SRD5A2: variants seen among roughly 807,000 people sequenced by gnomAD.
SRD5A2 encodes the protein 3-oxo-5-alpha-steroid 4-dehydrogenase 2.
In SRD5A2, 30 loss-of-function variants were observed where a neutral mutation model predicts 27.4. The observed-to-expected ratio is 1.10, with a 90% CI of 0.82 to 1.49. The LOEUF (loss-of-function observed/expected upper bound fraction) is 1.49. Ranked by LOEUF, SRD5A2 falls within the 40% of genes most tolerant of loss-of-function variation. The probability of loss-of-function intolerance (pLI) is 0.00; values close to 1 mark genes in which losing one functional copy is unlikely to be tolerated. For missense variants in SRD5A2, 348 were observed against 323.4 expected (o/e 1.08, Z -0.58); for synonymous variants, 141 against 133.6 (o/e 1.06, Z -0.38).
intron 1 of SRD5A2, among the ~76,000 whole-genome samples, chr2:31,577,325 C>G (rs35741321): frequency 0.015 from 2,327 of 151,936 alleles, 33 homozygotes; most frequent in Non-Finnish European, 0.026. Context: ...CTGAATTGAC[C>G]TAACTATGCA....
the SRD5A2 span, among the ~76,000 whole-genome samples, chr2:31,593,449 G>A: frequency 1.3e-5 from 2 of 152,076 alleles, no homozygotes; most frequent in African/African-American, 2.4e-5. Flanking sequence ...TTCAGAGCTC[G>A]AAGACAAGGC....
the SRD5A2 span, among the ~76,000 whole-genome samples, chr2:31,636,800 C>T: frequency 6.6e-6 from 1 of 152,072 alleles, no homozygotes; most frequent in African/African-American, 2.4e-5. Flanking sequence ...GTTGAACTAA[C>T]CTTGTATCTC....
chr2:31,583,989 G>A (rs1249947234), upstream of SRD5A2, among the ~76,000 whole-genome samples: 8 of 152,120 alleles, frequency 5.3e-5, no homozygotes, highest in African/African-American at 1.9e-4. Flanking sequence ...CTTAGGATTA[G>A]CTCGTTTGAA....
the SRD5A2 span, among the ~76,000 whole-genome samples, chr2:31,624,626 C>T: frequency 3.3e-5 from 5 of 152,064 alleles, no homozygotes; most frequent in Admixed American, 1.3e-4. Flanking sequence ...TCTGTCCTTG[C>T]GATAGTTTGC....
At chr2:31,583,072 G>A (rs971680555), upstream of SRD5A2, among the ~76,000 whole-genome samples, 1 of 152,158 alleles carries the variant, frequency 6.6e-6, no homozygotes, top group Non-Finnish European at 1.5e-5. Context: ...ATGCATCTGT[G>A]GGTTGGCTGT....
the SRD5A2 span, among the ~76,000 whole-genome samples, chr2:31,639,778 C>G: frequency 6.6e-6 from 1 of 152,040 alleles, no homozygotes; most frequent in African/African-American, 2.4e-5. Context: ...AGAATCTTCT[C>G]TTTGTCCTTG....
chr2:31,581,037 C>T (rs1667073279), upstream of SRD5A2: 3 of 945,802 alleles, frequency 3.2e-6, no homozygotes, highest in Non-Finnish European at 1.5e-6. Flanking sequence ...TGCCTCCCAC[C>T]TCGCCGCGTC....
the SRD5A2 span, among the ~76,000 whole-genome samples, chr2:31,648,567 A>G: frequency 2.6e-5 from 4 of 152,320 alleles, no homozygotes; most frequent in South Asian, 8.3e-4. Flanking sequence ...TTCAGCCAAT[A>G]TGTGATTTCT....
At chr2:31,575,508 A>G (rs368320081) in intron 1 of SRD5A2, among the ~76,000 whole-genome samples, 17 of 152,340 alleles carry the variant, frequency 1.1e-4, no homozygotes, top group African/African-American at 3.8e-4. Context: ...AGAGAAAAGA[A>G]AAGACTCAGA....
At chr2:31,646,299 G>A in the SRD5A2 span, among the ~76,000 whole-genome samples, 1 of 152,014 alleles carries the variant, frequency 6.6e-6, no homozygotes, top group Non-Finnish European at 1.5e-5. Context: ...ATTATTAATA[G>A]GTAAATGTTG....
At chr2:31,621,248 A>C in the SRD5A2 span, among the ~76,000 whole-genome samples, 8 of 151,822 alleles carry the variant, frequency 5.3e-5, no homozygotes, top group Admixed American at 2.6e-4. Context: ...TCATAGTCAC[A>C]CTCACTTTAC....
the SRD5A2 span, among the ~76,000 whole-genome samples, chr2:31,620,454 AG>A: frequency 2.6e-5 from 4 of 152,238 alleles, no homozygotes; most frequent in African/African-American, 9.6e-5. Context: ...TCAGCACAAA[AG>A]CTTCTTAACC....
intron 1 of SRD5A2, among the ~76,000 whole-genome samples, chr2:31,541,481 A>G (rs1666127491): frequency 6.6e-6 from 1 of 152,212 alleles, no homozygotes; most frequent in Non-Finnish European, 1.5e-5. Flanking sequence ...AACTGTCTTG[A>G]AGATACTTTA....
At chr2:31,563,258 A>G (rs2148090959) in intron 1 of SRD5A2, 1 of 152,268 alleles carries the variant, frequency 6.6e-6, no homozygotes, top group Middle Eastern at 3.4e-3. Context: ...GGTCACTAAA[A>G]CCAACAAATC....
At chr2:31,605,346 G>C in the SRD5A2 span, among the ~76,000 whole-genome samples, 1 of 151,822 alleles carries the variant, frequency 6.6e-6, no homozygotes, top group Non-Finnish European at 1.5e-5. Flanking sequence ...AAACAGCAGA[G>C]TGAAGAGACA....
chr2:31,623,563 T>C, the SRD5A2 span, among the ~76,000 whole-genome samples: 3 of 152,206 alleles, frequency 2.0e-5, no homozygotes, highest in South Asian at 6.2e-4. Flanking sequence ...CGATTATTTC[T>C]CATCCTTGTG....
At chr2:31,591,546 T>G in the SRD5A2 span, among the ~76,000 whole-genome samples, 1 of 151,800 alleles carries the variant, frequency 6.6e-6, no homozygotes, top group Admixed American at 6.6e-5. Flanking sequence ...TCAGGGATCT[T>G]GAACTAGAAA....
the SRD5A2 span, among the ~76,000 whole-genome samples, chr2:31,641,153 T>C: frequency 6.6e-6 from 1 of 152,164 alleles, no homozygotes; most frequent in Non-Finnish European, 1.5e-5. Context: ...TAGTTTTCTA[T>C]GATGGGGAGC....
the SRD5A2 span, among the ~76,000 whole-genome samples, chr2:31,611,256 C>T: frequency 3.3e-5 from 5 of 152,100 alleles, no homozygotes; most frequent in Admixed American, 6.6e-5. Flanking sequence ...CTGAGTCCTA[C>T]CAAAATTATA....
Sources: gnomAD v4.1 joint callset for allele counts (sites outside exome capture counted in the v4.1 genomes callset) on GRCh38, gnomAD v4.1.1 for gene constraint, MANE v1.5 for transcripts, NCBI Gene and HGNC (gene_info 2026-07-23, HGNC 2026-07-21) for gene names.